PXDNL: variants seen among roughly 807,000 people sequenced by gnomAD.
PXDNL encodes peroxidasin like.
In PXDNL, 145 loss-of-function variants were observed where a neutral mutation model predicts 150.8. The observed-to-expected ratio is 0.96, with a 90% CI of 0.84 to 1.10. The LOEUF is 1.10. Ranked by LOEUF, PXDNL falls within the 50% of genes least tolerant of loss-of-function variation. The pLI, the probability that PXDNL is intolerant of heterozygous loss-of-function variation, is 0.00. For synonymous variants in PXDNL, 757 were observed against 725.7 expected (o/e 1.04, Z -0.69); for missense variants, 2,087 against 1,873.9 (o/e 1.11, Z -2.10).
intron 1 of PXDNL, among the ~76,000 whole-genome samples, chr8:51,691,816 C>T (rs888440178): frequency 1.3e-5 from 2 of 152,158 alleles, no homozygotes; most frequent in African/African-American, 4.8e-5. Context: ...TCCTCAGCCC[C>T]GGCCAGCAGA....
intron 3 of PXDNL, among the ~76,000 whole-genome samples, chr8:51,559,888 G>A (rs9298452): frequency 0.28 from 42,525 of 151,748 alleles, 7,555 homozygotes; most frequent in African/African-American, 0.5. Context: ...TAAAAATCAA[G>A]ATTATTGTGT....
At chr8:51,611,057 C>T (rs1037582749) in intron 2 of PXDNL, among the ~76,000 whole-genome samples, 5 of 152,094 alleles carry the variant, frequency 3.3e-5, no homozygotes, top group Non-Finnish European at 5.9e-5. Flanking sequence ...CATTCCAGGG[C>T]AGGGTCATTG....
intron 17 of PXDNL, among the ~76,000 whole-genome samples, chr8:51,404,653 C>T (rs373556714): frequency 1.1e-4 from 16 of 152,352 alleles, no homozygotes; most frequent in African/African-American, 3.6e-4. Context: ...GGTGCATTTA[C>T]AAACCTTGAG....
In PXDNL at chr8:51,350,354, C is replaced by CTTTTTTT. The variant is rs1163628780; in HGVS notation, c.3902-4414_3902-4408dup. Among the ~76,000 whole-genome samples the CTTTTTTT allele has an allele frequency of 8.0e-4, 62 of 77,888 alleles. 1 individual carries two copies. Among genetic ancestry groups the CTTTTTTT allele is most frequent in the African/African-American group, 2.5e-3 (48 of 19,156 alleles). The allele number at this position is 77,888 out of a possible 152,430, so 51.1% of individuals were successfully genotyped here. On this transcript the variant is annotated intron_variant, in intron 19 of 22. Transcript: ENST00000356297. ...AGTCTTTTATTAGCAAATGCAGCTT[C>CTTTTTTT]TTTTTTTTTTTTTTTTTTTTTTGAG...
At chr8:51,471,979 C>G (rs890132216) in intron 8 of PXDNL, among the ~76,000 whole-genome samples, 2 of 152,222 alleles carry the variant, frequency 1.3e-5, no homozygotes, top group East Asian at 3.9e-4. Flanking sequence ...CATGAGCCAC[C>G]GCGCCCGGCC....
chr8:51,680,199 G>T (rs936351083), intron 1 of PXDNL, among the ~76,000 whole-genome samples: 4 of 152,188 alleles, frequency 2.6e-5, no homozygotes, highest in African/African-American at 9.6e-5. Flanking sequence ...CACTGCGTAG[G>T]CAGAAATGGT....
chr8:51,388,585 A>G (rs2130830507), intron 17 of PXDNL, among the ~76,000 whole-genome samples: 1 of 152,304 alleles, frequency 6.6e-6, no homozygotes, highest in East Asian at 1.9e-4. Context: ...GGTTCTGTTC[A>G]TTAAATGTGA....
intron 3 of PXDNL, among the ~76,000 whole-genome samples, chr8:51,577,161 A>G (rs1813073671): frequency 6.6e-6 from 1 of 151,912 alleles, no homozygotes; most frequent in Non-Finnish European, 1.5e-5. Context: ...AGTTAGTATT[A>G]ATGCGATACC....
chr8:51,652,913 C>T (rs1393252184), intron 2 of PXDNL, among the ~76,000 whole-genome samples: 3 of 152,112 alleles, frequency 2.0e-5, no homozygotes, highest in Non-Finnish European at 4.4e-5. Flanking sequence ...TAATTGTGTA[C>T]TGTAACTCCA....
chr8:51,535,207 C>G (rs1285770122), intron 4 of PXDNL, among the ~76,000 whole-genome samples: 2 of 137,936 alleles, frequency 1.4e-5, no homozygotes, highest in Non-Finnish European at 3.0e-5. Flanking sequence ...AGGACCCCGT[C>G]TGGGAGGTGT....
intron 1 of PXDNL, among the ~76,000 whole-genome samples, chr8:51,752,932 G>T (rs2037060620): frequency 6.6e-6 from 1 of 152,188 alleles, no homozygotes; most frequent in Admixed American, 6.5e-5. Flanking sequence ...CTACAAATGG[G>T]GTGGCTGTGA....
At chr8:51,430,331 G>A (rs1033476161) in intron 12 of PXDNL, among the ~76,000 whole-genome samples, 2 of 152,056 alleles carry the variant, frequency 1.3e-5, no homozygotes, top group African/African-American at 4.8e-5. Context: ...TGAATAAACA[G>A]AAGCTTAAAA....
chr8:51,390,241 C>T (rs1353696834), intron 17 of PXDNL, among the ~76,000 whole-genome samples: 6 of 152,152 alleles, frequency 3.9e-5, no homozygotes, highest in Non-Finnish European at 7.4e-5. Context: ...CTGATTCAAA[C>T]TAGTTTTTGT....
At chr8:51,793,934 G>A (rs959635821) in intron 1 of PXDNL, among the ~76,000 whole-genome samples, 1 of 151,862 alleles carries the variant, frequency 6.6e-6, no homozygotes, top group African/African-American at 2.4e-5. Flanking sequence ...AAAGTTACAG[G>A]AGCTGTTGAC....
intron 1 of PXDNL, among the ~76,000 whole-genome samples, chr8:51,767,777 G>A (rs144587879): frequency 6.6e-4 from 100 of 152,206 alleles, no homozygotes; most frequent in East Asian, 2.1e-3. Context: ...ATTTTTGGCC[G>A]TCCTCTTGTT....
chr8:51,705,535 A>G (rs1796809467), intron 1 of PXDNL, among the ~76,000 whole-genome samples: 1 of 152,260 alleles, frequency 6.6e-6, no homozygotes, highest in South Asian at 2.1e-4. Flanking sequence ...AAGGAGAAAG[A>G]GTAGGAGAAA....
intron 1 of PXDNL, among the ~76,000 whole-genome samples, chr8:51,786,154 T>C (rs1029103512): frequency 6.6e-6 from 1 of 152,234 alleles, no homozygotes; most frequent in East Asian, 1.9e-4. Flanking sequence ...TTTAACTTCA[T>C]ATACTGAAAG....
chr8:51,498,615 T>C (rs1053303344), intron 5 of PXDNL, among the ~76,000 whole-genome samples: 5 of 152,090 alleles, frequency 3.3e-5, no homozygotes, highest in African/African-American at 1.2e-4. Flanking sequence ...AGTGTAGACA[T>C]CGTGATGTAG....
intron 20 of PXDNL, among the ~76,000 whole-genome samples, chr8:51,343,853 C>T (rs137978066): frequency 6.6e-6 from 1 of 152,276 alleles, no homozygotes; most frequent in Non-Finnish European, 1.5e-5. Flanking sequence ...AATAAAAGGG[C>T]CAAGTGAATG....
Sources: allele counts gnomAD v4.1 joint callset (sites outside exome capture counted in the v4.1 genomes callset), GRCh38; gene constraint gnomAD v4.1.1; transcripts MANE v1.5; gene names NCBI Gene and HGNC (gene_info 2026-07-23, HGNC 2026-07-21).